ROBO2: variants seen among roughly 807,000 people sequenced by gnomAD.
The protein encoded by ROBO2 is roundabout homolog 2.
A neutral mutation model predicts 160.8 loss-of-function variants in ROBO2; 53 were observed. The observed-to-expected ratio is 0.33, with a 90% CI of 0.26 to 0.41. The LOEUF (loss-of-function observed/expected upper bound fraction) is 0.41, where lower values mean the gene tolerates loss of function less well. Among genes scored for constraint, ROBO2 ranks in the 10% least tolerant of loss-of-function variants. The pLI is 1.00. For synonymous variants in ROBO2, 664 were observed against 611.7 expected (o/e 1.09, Z -1.26); for missense variants, 1,577 against 1,722.4 (o/e 0.92, Z 1.49).
At chr3:77,074,554 GA>G (rs955345964) in intron 1 of ROBO2, among the ~76,000 whole-genome samples, 12 of 152,154 alleles carry the variant, frequency 7.9e-5, no homozygotes, top group African/African-American at 2.9e-4. Flanking sequence ...CTTTAGGATG[GA>G]AGAAGAACCG....
At chr3:77,220,145 G>A (rs767044713) in intron 2 of ROBO2, among the ~76,000 whole-genome samples, 9 of 151,918 alleles carry the variant, frequency 5.9e-5, no homozygotes, top group Non-Finnish European at 1.2e-4. Flanking sequence ...CAAGTAGCTC[G>A]GACTACAGGC....
chr3:77,189,869 T>C (rs764430649), intron 2 of ROBO2, among the ~76,000 whole-genome samples: 1 of 151,886 alleles, frequency 6.6e-6, no homozygotes, highest in East Asian at 1.9e-4. Flanking sequence ...ATTTTACAGA[T>C]ACAAAAACTG....
chr3:77,426,022 A>G (rs1227204906), intron 2 of ROBO2, among the ~76,000 whole-genome samples: 1 of 152,124 alleles, frequency 6.6e-6, no homozygotes, highest in Non-Finnish European at 1.5e-5. Flanking sequence ...CAAGGAGTGC[A>G]TGACCCAGTT....
At chr3:77,168,654 T>C (rs2079333452) in intron 2 of ROBO2, among the ~76,000 whole-genome samples, 2 of 152,212 alleles carry the variant, frequency 1.3e-5, no homozygotes, top group Non-Finnish European at 2.9e-5. Flanking sequence ...TTTTAATTTT[T>C]TGCCCCGACT....
chr3:76,398,958 ATTGACT>A lies in ROBO2; in HGVS notation c.109+461361_109+461366del, dbSNP rs1479440478. On this transcript the variant is annotated intron_variant, in intron 2 of 26. Coordinates refer to the ROBO2 transcript ENST00000487694. ...AGGACAATAATCTATTATCATCATA[ATTGACT>A]TTGAAGTTAACTAAATTACACACAA... 2.0e-5 allele frequency among the ~76,000 whole-genome samples: 3 copies of A among 151,768 alleles called. No homozygotes were observed. The East Asian group carries it at 5.8e-4, about 29-fold the overall frequency.
intron 2 of ROBO2, among the ~76,000 whole-genome samples, chr3:77,249,495 ACCTTTAAGAGGT>A (rs1306441175): frequency 4.6e-5 from 7 of 152,194 alleles, no homozygotes; most frequent in Non-Finnish European, 1.0e-4. Flanking sequence ...ATCTCACGGC[ACCTTTAAGAGGT>A]CCTTAGCTAT....
intron 2 of ROBO2, among the ~76,000 whole-genome samples, chr3:76,774,320 T>C (rs1426708344): frequency 6.6e-6 from 1 of 150,952 alleles, no homozygotes; most frequent in Non-Finnish European, 1.5e-5. Flanking sequence ...TATTGTATTT[T>C]CTGCATTTAC....
intron 2 of ROBO2, among the ~76,000 whole-genome samples, chr3:76,939,000 G>A (rs1040579811): frequency 3.7e-5 from 5 of 136,278 alleles, no homozygotes; most frequent in Non-Finnish European, 7.7e-5. Context: ...AAAAAAAGTA[G>A]CCCCACACTG....
rs541487317 is a variant in ROBO2, at chr3:77,430,858, G to C, written c.389-46556G>C. Among the ~76,000 whole-genome samples, 162 of 152,298 alleles carry C rather than the reference G, an allele frequency of 1.1e-3. 2 individuals are homozygous for C. The highest frequency in any genetic ancestry group is 3.8e-3 in the African/African-American group (159 of 41,566). On this transcript the variant is annotated intron_variant, in intron 2 of 25. Transcript: ENST00000461745. ...CTTTGTTGTACATTTCATATGGCTA[G>C]TTGATGATCTCAAGATTCTGTCAGT...
chr3:77,360,255 C>CG (rs933348135), intron 2 of ROBO2, among the ~76,000 whole-genome samples: 5 of 150,538 alleles, frequency 3.3e-5, no homozygotes, highest in South Asian at 2.1e-4. Flanking sequence ...TAATGCAACC[C>CG]CCCCCCCAAA....
At chr3:76,020,967 C>A (rs1210982691) in intron 2 of ROBO2, among the ~76,000 whole-genome samples, 1 of 151,720 alleles carries the variant, frequency 6.6e-6, no homozygotes, top group Non-Finnish European at 1.5e-5. Flanking sequence ...TACCTTGCAC[C>A]CACATCCTTT....
intron 6 of ROBO2, among the ~76,000 whole-genome samples, chr3:77,536,922 C>A (rs1168120373): frequency 6.6e-6 from 1 of 152,008 alleles, no homozygotes; most frequent in African/African-American, 2.4e-5. Context: ...TCTAAAAATG[C>A]AAGACATTTT....
intron 2 of ROBO2, among the ~76,000 whole-genome samples, chr3:77,139,766 C>T (rs1251620980): frequency 6.6e-6 from 1 of 152,212 alleles, no homozygotes; most frequent in Non-Finnish European, 1.5e-5. Context: ...CCCACTTTCT[C>T]TGAAGTTGGA....
intron 2 of ROBO2, among the ~76,000 whole-genome samples, chr3:76,749,191 T>G (rs2093940004): frequency 6.6e-6 from 1 of 151,910 alleles, no homozygotes. Flanking sequence ...TATGTATCAT[T>G]CTATTTTTAT....
intron 2 of ROBO2, among the ~76,000 whole-genome samples, chr3:76,436,019 C>T (rs2076659459): frequency 6.6e-6 from 1 of 152,032 alleles, no homozygotes; most frequent in African/African-American, 2.4e-5. Context: ...TCTGCCTCAA[C>T]CATGAGATAG....
intron 2 of ROBO2, among the ~76,000 whole-genome samples, chr3:76,261,798 T>C (rs531620555): frequency 6.6e-6 from 1 of 152,248 alleles, no homozygotes; most frequent in South Asian, 2.1e-4. Flanking sequence ...CTATTTGAAA[T>C]AGCAATTCCT....
At chr3:76,334,182 C>G (rs970788084) in intron 2 of ROBO2, among the ~76,000 whole-genome samples, 2 of 152,098 alleles carry the variant, frequency 1.3e-5, no homozygotes, top group African/African-American at 4.8e-5. Flanking sequence ...AGCCTAGCTT[C>G]ACCACCCATA....
chr3:76,443,318 G>A (rs921909012), intron 2 of ROBO2, among the ~76,000 whole-genome samples: 3 of 151,986 alleles, frequency 2.0e-5, no homozygotes, highest in East Asian at 3.9e-4. Context: ...TGGAGGGGGC[G>A]AAAATCCAAA....
rs553269908 is a variant in ROBO2 at position 76,574,594 on chromosome 3, A to G, written c.110-523420A>G. Among the ~76,000 whole-genome samples, 5 of 152,254 alleles carry G rather than the reference A, an allele frequency of 3.3e-5. No individual in the cohort carries two copies. In the South Asian group the frequency reaches 1.0e-3, roughly 32 times the overall value. ...ATGGTAAATCACATATCTTATGCAC[A>G]TGAGTTTTTCTGCCTGTAAAATGAG... On this transcript the variant is annotated intron_variant, in intron 2 of 26. Transcript: ENST00000487694.
Sources: gnomAD v4.1 joint callset for allele counts (sites outside exome capture counted in the v4.1 genomes callset) on GRCh38, gnomAD v4.1.1 for gene constraint, MANE v1.5 for transcripts, NCBI Gene and HGNC (gene_info 2026-07-23, HGNC 2026-07-21) for gene names.